The following DMTF1 variants were observed in gnomAD, a reference collection of about 807,000 sequenced individuals.
The protein encoded by DMTF1 is cyclin-D-binding Myb-like transcription factor 1.
A neutral mutation model predicts 91.1 loss-of-function variants in DMTF1; 39 were observed. That is an observed-to-expected ratio of 0.43 (90% CI 0.33 to 0.56). DMTF1 has a LOEUF of 0.56. DMTF1 is among the 20% of genes least tolerant of loss of function. The pLI is 0.05. For missense variants in DMTF1, 750 were observed against 914.5 expected (o/e 0.82, Z 2.32); for synonymous variants, 338 against 309.5 (o/e 1.09, Z -0.97).
chr7:87,160,399 C>T (rs1186192025), intron 1 of DMTF1, among the ~76,000 whole-genome samples: 1 of 151,736 alleles, frequency 6.6e-6, no homozygotes, highest in Non-Finnish European at 1.5e-5. Context: ...CTCAGCCTCT[C>T]GAGTAGCTGG....
At chr7:87,182,447 G>A (rs1403791652) in intron 10 of DMTF1, 110 bp downstream of exon 10, 1 of 930,848 alleles carries the variant, frequency 1.1e-6, no homozygotes, top group Non-Finnish European at 1.7e-6. Context: ...ATTCACCTTA[G>A]TTCAGACTTT....
intron 16 of DMTF1, 33 bp from the exon 17 acceptor site, chr7:87,194,651 A>G: frequency 2.6e-6 from 4 of 1,518,524 alleles, no homozygotes; most frequent in Middle Eastern, 1.8e-4. Context: ...TAGTAAGAAT[A>G]TGAGTCAATA....
intron 1 of DMTF1, among the ~76,000 whole-genome samples, chr7:87,153,582 G>T (rs1562760173): frequency 6.6e-6 from 1 of 152,160 alleles, no homozygotes; most frequent in South Asian, 2.1e-4. Flanking sequence ...TTCTCTCATT[G>T]AATTTGTGTA....
At position 87,193,715 on chromosome 7, in the gene DMTF1, TG is replaced by T. The variant is rs780130986; in HGVS notation, c.1651-9del. 5 of 1,574,066 alleles carry T rather than the reference TG, an allele frequency of 3.2e-6. No individual in the cohort carries two copies. In the African/African-American group the frequency reaches 6.8e-5, roughly 21 times the overall value. ...TTTACAACTTTAACAGGTTCTTTAA[TG>T]TTTTATAGCCAGAACATTTGTTGAA... On this transcript the variant is annotated splice_polypyrimidine_tract_variant and intron_variant, in intron 15 of 17. Transcript: ENST00000331242.
intron 4 of DMTF1, among the ~76,000 whole-genome samples, chr7:87,169,697 T>A (rs1794652719): frequency 6.6e-6 from 1 of 152,226 alleles, no homozygotes; most frequent in Non-Finnish European, 1.5e-5. Context: ...TTACTTGATC[T>A]GTTGGCAACT....
chr7:87,184,267 A>C, intron 10 of DMTF1, 130 bp from the exon 11 acceptor site: 1 of 804,362 alleles, frequency 1.2e-6, no homozygotes, highest in East Asian at 2.7e-5. Flanking sequence ...ATGGTTTTCC[A>C]CCAGAGGGTC....
intron 11 of DMTF1, among the ~76,000 whole-genome samples, chr7:87,185,280 A>G (rs957193155): frequency 7.2e-5 from 11 of 152,226 alleles, no homozygotes; most frequent in African/African-American, 2.7e-4. Context: ...TCAAATTGTC[A>G]CAACAAAGCT....
At chr7:87,193,447 C>T (rs1282572185) in intron 15 of DMTF1, 94 bp downstream of exon 15, 8 of 1,269,850 alleles carry the variant, frequency 6.3e-6, no homozygotes, top group Non-Finnish European at 9.0e-6. Flanking sequence ...CTAAACAGTT[C>T]TTCCTACTGC....
At chr7:87,174,772 T>C (rs2129114476) in intron 7 of DMTF1, 103 bp downstream of exon 7, 2 of 631,356 alleles carry the variant, frequency 3.2e-6, no homozygotes, top group South Asian at 2.7e-5. Flanking sequence ...TTTTTACTTA[T>C]TTTTGTAATG....
In DMTF1 at chr7:87,162,027, T is replaced by C. The variant is rs75987065; in HGVS notation, c.-131-1468T>C. Among the ~76,000 whole-genome samples the C allele has an allele frequency of 4.6e-5, 7 of 152,336 alleles. No homozygotes were observed. The East Asian group carries it at 1.2e-3, about 25-fold the overall frequency. On this transcript the variant is annotated intron_variant, in intron 1 of 17. Coordinates refer to ENST00000331242, the MANE Select transcript of DMTF1 (RefSeq NM_001142327.2). ...CAGTATGGGTTAAGGAAATTAAAAA[T>C]TGGGAACAACATAAATGTCCAGTAA...
rs144304495 is a variant in DMTF1, at chr7:87,178,564, A to G, written c.520-981A>G. Reference sequence around the variant, plus strand: ...CATTAATAATTTCCCTGAAATTAACACAAACTTGTATTCCTGGGATAAACT... The same window carrying G: ...CATTAATAATTTCCCTGAAATTAACGCAAACTTGTATTCCTGGGATAAACT... On this transcript the variant is annotated intron_variant, in intron 7 of 17. Coordinates refer to ENST00000331242, the MANE Select transcript of DMTF1 (RefSeq NM_001142327.2). Among the ~76,000 whole-genome samples the G allele has an allele frequency of 3.3e-3, 507 of 152,134 alleles. 2 individuals are homozygous for G. The highest frequency in any genetic ancestry group is 0.012 in the African/African-American group (485 of 41,546).
intron 1 of DMTF1, among the ~76,000 whole-genome samples, chr7:87,153,610 T>C (rs964855439): frequency 6.6e-6 from 1 of 152,232 alleles, no homozygotes; most frequent in African/African-American, 2.4e-5. Flanking sequence ...TTTTCGCAAC[T>C]CATTCATCTT....
chr7:87,194,993 A>C (rs370140569), intron 17 of DMTF1, 38 bp from the exon 18 acceptor site: 30 of 1,541,760 alleles, frequency 1.9e-5, no homozygotes, highest in Non-Finnish European at 2.5e-5. Context: ...TTAGAGAATA[A>C]ATATATACAT....
chr7:87,153,924 A>C lies in DMTF1; in HGVS notation c.-132+1369A>C, dbSNP rs1030827129. ...GTTTTCATGTTTTTTCATTACTTCA[A>C]ATTTCTTTAAGCTGGTTTTGAAATT... On this transcript the variant is annotated intron_variant, in intron 1 of 17. Transcript: ENST00000331242. Among the ~76,000 whole-genome samples, 3 of 152,108 alleles carry C rather than the reference A, an allele frequency of 2.0e-5. No homozygotes were observed. The East Asian group carries it at 5.8e-4, about 29-fold the overall frequency.
At chr7:87,159,219 T>A (rs1791579892) in intron 1 of DMTF1, among the ~76,000 whole-genome samples, 1 of 152,178 alleles carries the variant, frequency 6.6e-6, no homozygotes, top group Non-Finnish European at 1.5e-5. Flanking sequence ...CTATCAAAGC[T>A]ATAAATAAGG....
At chr7:87,152,712 C>T (rs1215604351) in intron 1 of DMTF1, 157 bp downstream of exon 1, 2 of 153,836 alleles carry the variant, frequency 1.3e-5, no homozygotes, top group Non-Finnish European at 2.9e-5. Flanking sequence ...GCCTTCCTGA[C>T]GTTGCAGCTG....
chr7:87,194,553 T>C, intron 16 of DMTF1, 131 bp from the exon 17 acceptor site: 1 of 673,758 alleles, frequency 1.5e-6, no homozygotes, highest in Non-Finnish European at 2.4e-6. Context: ...CTGTGAGACC[T>C]TAACTTTTTA....
intron 1 of DMTF1, among the ~76,000 whole-genome samples, chr7:87,162,213 A>G (rs1338682415): frequency 6.6e-6 from 1 of 152,114 alleles, no homozygotes; most frequent in East Asian, 1.9e-4. Context: ...AGCTGAGATT[A>G]TAGGCATACA....
rs191388415 is a variant in DMTF1, at chr7:87,183,423, C to T, written c.821-974C>T. ...CAACCTGAGGGATTGATTGATCTGCCTGCTTCCTTCTCATGTTGTGACATA... is the reference window on the plus strand; with the variant it reads ...CAACCTGAGGGATTGATTGATCTGCTTGCTTCCTTCTCATGTTGTGACATA... On this transcript the variant is annotated intron_variant, in intron 10 of 17. Transcript: ENST00000331242. 6.6e-5 allele frequency among the ~76,000 whole-genome samples: 10 copies of T among 152,306 alleles called. No homozygotes were observed. In the East Asian group the frequency reaches 1.9e-3, roughly 29 times the overall value.
Sources: gnomAD v4.1 joint callset for allele counts (sites outside exome capture counted in the v4.1 genomes callset) on GRCh38, gnomAD v4.1.1 for gene constraint, MANE v1.5 for transcripts, NCBI Gene and HGNC (gene_info 2026-07-23, HGNC 2026-07-21) for gene names.